Variants in TTC8 observed in about 807,000 individuals in gnomAD.
TTC8 encodes tetratricopeptide repeat domain 8.
In TTC8, 47 loss-of-function variants were observed where a neutral mutation model predicts 72.5. The ratio of observed to expected loss-of-function variants is 0.65; its 90% confidence interval spans 0.51 to 0.83. TTC8 has a LOEUF of 0.83. Among genes scored for constraint, TTC8 ranks in the 40% least tolerant of loss-of-function variants. The probability of loss-of-function intolerance (pLI) is 0.00; values close to 1 mark genes in which losing one functional copy is unlikely to be tolerated. For synonymous variants in TTC8, 199 were observed against 221.4 expected (o/e 0.90, Z 0.90); for missense variants, 611 against 623.2 (o/e 0.98, Z 0.21).
chr14:88,831,795 G>A (rs555870834), intron 1 of TTC8, among the ~76,000 whole-genome samples: 1 of 152,268 alleles, frequency 6.6e-6, no homozygotes, highest in East Asian at 1.9e-4. Context: ...GATGGTGAAA[G>A]GATGTTGAAT....
chr14:88,845,680 T>C (rs10132019), intron 7 of TTC8, among the ~76,000 whole-genome samples: 48,952 of 152,024 alleles, frequency 0.32, 8,095 homozygotes, highest in Non-Finnish European at 0.37. Flanking sequence ...TTCCATTTCA[T>C]AAATTAGTAA....
At position 88,874,707 on chromosome 14, in the gene TTC8, A is replaced by G. The variant is rs996398333; in HGVS notation, c.1348-319A>G. Among the ~76,000 whole-genome samples, 6 of 152,190 alleles carry G rather than the reference A, an allele frequency of 3.9e-5. No individual in the cohort carries two copies. The East Asian group carries it at 1.2e-3, about 29-fold the overall frequency. ...TTGAGAAGATTGTATTTCAGATTGT[A>G]TGTCATATTGAAATATAACCTTTAT... On this transcript the variant is annotated intron_variant, in intron 13 of 14. Coordinates refer to ENST00000380656, the MANE Select transcript of TTC8 (RefSeq NM_144596.4).
chr14:88,839,715 C>G (rs1368979540), intron 3 of TTC8, 143 bp downstream of exon 3: 12 of 1,000,044 alleles, frequency 1.2e-5, no homozygotes, highest in Non-Finnish European at 1.6e-5. Flanking sequence ...ATGAAAAAAC[C>G]ATTACTTCAA....
At chr14:88,878,551 A>G (rs1168533681), downstream of TTC8, 2 of 152,206 alleles carry the variant, frequency 1.3e-5, no homozygotes, top group Non-Finnish European at 1.5e-5. Flanking sequence ...ACAAGAAAGC[A>G]AGGCCCCGCG....
chr14:88,861,831 G>A (rs1357165080), intron 10 of TTC8, among the ~76,000 whole-genome samples: 1 of 151,934 alleles, frequency 6.6e-6, no homozygotes, highest in Non-Finnish European at 1.5e-5. Context: ...CTTTTTTATG[G>A]CTCAATATTG....
intron 8 of TTC8, among the ~76,000 whole-genome samples, chr14:88,853,762 C>T (rs986735603): frequency 6.6e-6 from 1 of 152,016 alleles, no homozygotes; most frequent in Middle Eastern, 3.4e-3. Context: ...TCAGAAGAGT[C>T]GTAATGAATT....
chr14:88,825,696 G>T (rs958929982), intron 1 of TTC8, among the ~76,000 whole-genome samples: 3 of 152,182 alleles, frequency 2.0e-5, no homozygotes, highest in Non-Finnish European at 4.4e-5. Flanking sequence ...TTCCTCTAGT[G>T]GTGTTGCCTT....
chr14:88,825,401 C>T (rs1409523947), intron 1 of TTC8, among the ~76,000 whole-genome samples: 1 of 152,044 alleles, frequency 6.6e-6, no homozygotes, highest in Non-Finnish European at 1.5e-5. Context: ...AAAAAATTAC[C>T]TAGGCAAGGG....
At position 88,877,167 on chromosome 14, in the gene TTC8, A is replaced by T. The variant is rs2063392720; in HGVS notation, c.1432-127A>T. On this transcript the variant is annotated intron_variant, in intron 14 of 14. Transcript: ENST00000380656. ...TTATGATGTTAGTTGTGGGTTTGTTAAAAAAAAAAGAAAAGAACCCTTTGA... is the reference window on the plus strand; with the variant it reads ...TTATGATGTTAGTTGTGGGTTTGTTTAAAAAAAAAGAAAAGAACCCTTTGA... 9 of 480,826 alleles carry T rather than the reference A, an allele frequency of 1.9e-5. 1 individual carries two copies. The East Asian group carries it at 2.5e-4, about 14-fold the overall frequency. 29.8% of individuals were successfully genotyped at this position (480,826 alleles called of 1,614,324 possible). A position where few individuals can be genotyped will look rare whatever the true frequency, so the allele number is the denominator to read the frequency against.
intron 7 of TTC8, among the ~76,000 whole-genome samples, chr14:88,845,259 G>A (rs575311376): frequency 1.4e-4 from 22 of 152,226 alleles, no homozygotes; most frequent in African/African-American, 4.6e-4. Flanking sequence ...AAGACAGACA[G>A]GTCAAATTTG....
intron 14 of TTC8, 59 bp from the exon 15 acceptor site, chr14:88,877,235 C>G: frequency 7.7e-7 from 1 of 1,293,276 alleles, no homozygotes; most frequent in African/African-American, 1.5e-5. Context: ...TTCTTTTTTA[C>G]TTCCTTACTC....
At chr14:88,858,085 C>T (rs1472122541) in intron 9 of TTC8, among the ~76,000 whole-genome samples, 1 of 152,052 alleles carries the variant, frequency 6.6e-6, no homozygotes, top group African/African-American at 2.4e-5. Flanking sequence ...TCTCAGCCTC[C>T]CAAGTAGCTG....
intron 6 of TTC8, among the ~76,000 whole-genome samples, chr14:88,842,557 C>A (rs1394420843): frequency 6.6e-6 from 1 of 152,084 alleles, no homozygotes; most frequent in Non-Finnish European, 1.5e-5. Context: ...GGTTCCCTAC[C>A]CTTTAAGGTC....
intron 9 of TTC8, among the ~76,000 whole-genome samples, chr14:88,859,857 C>CATATATAATATAAATATATATTATATA (rs1566850161): frequency 1.2e-4 from 16 of 134,286 alleles, no homozygotes; most frequent in African/African-American, 4.5e-4. Flanking sequence ...AATATATAAT[C>CATATATAATATAAATATATATTATATA]ATATATAATA....
intron 6 of TTC8, 25 bp from the exon 7 acceptor site, chr14:88,843,781 A>G: frequency 6.4e-7 from 1 of 1,572,636 alleles, no homozygotes; most frequent in Non-Finnish European, 8.7e-7. Flanking sequence ...AATCTAACGT[A>G]TTTTTGACAC....
At chr14:88,825,977 T>A (rs76099850) in intron 1 of TTC8, among the ~76,000 whole-genome samples, 4,205 of 151,476 alleles carry the variant, frequency 0.028, 142 homozygotes, top group East Asian at 0.16. Context: ...TTTAAATTTT[T>A]TTTATTTTTT....
chr14:88,840,284 A>G (rs2094774078), intron 3 of TTC8: 1 of 157,138 alleles, frequency 6.4e-6, no homozygotes, highest in Non-Finnish European at 1.4e-5. Flanking sequence ...GTATTGAATT[A>G]TAACCAGGAC....
At chr14:88,825,761 G>A (rs1403559963) in intron 1 of TTC8, among the ~76,000 whole-genome samples, 1 of 152,206 alleles carries the variant, frequency 6.6e-6, no homozygotes, top group African/African-American at 2.4e-5. Context: ...GGAGGCCTGA[G>A]TGTGAATGCT....
chr14:88,846,619 C>T, intron 7 of TTC8: 1 of 1,463,606 alleles, frequency 6.8e-7, no homozygotes, highest in Non-Finnish European at 9.2e-7. Flanking sequence ...AGATGTAGTT[C>T]TACATCTTGG....
Sources: allele counts gnomAD v4.1 joint callset (sites outside exome capture counted in the v4.1 genomes callset), GRCh38; gene constraint gnomAD v4.1.1; transcripts MANE v1.5; gene names NCBI Gene and HGNC (gene_info 2026-07-23, HGNC 2026-07-21).